The following CPPED1 variants were observed in gnomAD, a reference collection of about 807,000 sequenced individuals.
The protein encoded by CPPED1 is calcineurin like phosphoesterase domain containing 1.
In CPPED1, 28 loss-of-function variants were observed where a neutral mutation model predicts 28.0. The ratio of observed to expected loss-of-function variants is 1.00; its 90% CI spans 0.74 to 1.37. The LOEUF (loss-of-function observed/expected upper bound fraction) is 1.37, where lower values mean the gene tolerates loss of function less well. Ranked by LOEUF, CPPED1 falls within the 40% of genes most tolerant of loss-of-function variation. The pLI, the probability that CPPED1 is intolerant of heterozygous loss-of-function variation, is 0.00. For missense variants in CPPED1, 504 were observed against 416.5 expected (o/e 1.21, Z -1.83); for synonymous variants, 198 against 180.2 (o/e 1.10, Z -0.79).
intron 2 of CPPED1, among the ~76,000 whole-genome samples, chr16:12,743,329 C>CAA (rs547014538): frequency 7.0e-4 from 106 of 152,288 alleles, no homozygotes; most frequent in African/African-American, 2.5e-3. Flanking sequence ...CCCCACCACA[C>CAA]AAAAGCCAAT....
intron 1 of CPPED1, among the ~76,000 whole-genome samples, chr16:12,786,844 G>A (rs146565905): frequency 3.9e-4 from 60 of 152,304 alleles, no homozygotes; most frequent in African/African-American, 1.2e-3. Flanking sequence ...ACTGGGAGGT[G>A]GAGGTTGCAG....
At chr16:12,785,076 T>C (rs2080554677) in intron 1 of CPPED1, among the ~76,000 whole-genome samples, 1 of 152,234 alleles carries the variant, frequency 6.6e-6, no homozygotes, top group Non-Finnish European at 1.5e-5. Context: ...CTCTTAAGGT[T>C]CCTGCTACAG....
intron 2 of CPPED1, chr16:12,720,382 T>C (rs1228101825): frequency 1.3e-5 from 2 of 154,426 alleles, no homozygotes; most frequent in East Asian, 3.8e-4. Flanking sequence ...AAGCTTTTCC[T>C]AAAGAGGTGT....
At chr16:12,687,967 A>G (rs1246611755) in intron 3 of CPPED1, among the ~76,000 whole-genome samples, 1 of 147,496 alleles carries the variant, frequency 6.8e-6, no homozygotes, top group Admixed American at 6.7e-5. Context: ...AAGGAAGAAG[A>G]AGGAGGAATG....
Position 12,755,281 on chromosome 16 carries a change from C to CTTTTT in CPPED1, c.289+25899_289+25903dup, listed in dbSNP as rs35135598. ...TTCTCACAAGCATACAGTATGCATT[C>CTTTTT]TTTTTTTTTTTTTTTTTTGAGACAA... On this transcript the variant is annotated intron_variant, in intron 2 of 3. Transcript: ENST00000381774. Among the ~76,000 whole-genome samples, 290 of 128,766 alleles carry CTTTTT rather than the reference C, an allele frequency of 2.3e-3. 7 individuals are homozygous for CTTTTT. Among genetic ancestry groups the CTTTTT allele is most frequent in the African/African-American group, 7.3e-3 (247 of 33,888 alleles). The allele number at this position is 128,766 out of a possible 152,430, so 84.5% of individuals were successfully genotyped here. A position where few individuals can be genotyped will look rare whatever the true frequency, so the allele number is the denominator to read the frequency against.
chr16:12,715,028 C>A (rs2080100142), intron 2 of CPPED1, among the ~76,000 whole-genome samples: 1 of 151,954 alleles, frequency 6.6e-6, no homozygotes, highest in African/African-American at 2.4e-5. Context: ...ATCCAGATGT[C>A]CCTGCACCAT....
At chr16:12,784,477 C>T (rs1242314534) in intron 1 of CPPED1, among the ~76,000 whole-genome samples, 1 of 151,866 alleles carries the variant, frequency 6.6e-6, no homozygotes, top group East Asian at 1.9e-4. Flanking sequence ...AGTAACAGAT[C>T]CCTACAAATG....
intron 3 of CPPED1, among the ~76,000 whole-genome samples, chr16:12,674,188 A>T (rs534697181): frequency 1.3e-5 from 2 of 152,290 alleles, no homozygotes; most frequent in East Asian, 3.9e-4. Flanking sequence ...TCCTGCATGA[A>T]AAAAATGAAG....
intron 3 of CPPED1, among the ~76,000 whole-genome samples, chr16:12,671,669 C>T (rs2079853375): frequency 6.6e-6 from 1 of 152,180 alleles, no homozygotes; most frequent in African/African-American, 2.4e-5. Context: ...AGCACATGGA[C>T]ATTTTGGTCA....
rs554476040 is a variant in CPPED1 at position 12,754,493 on chromosome 16, A to C, written c.289+26692T>G. Among the ~76,000 whole-genome samples, 4 of 152,306 alleles carry C rather than the reference A, an allele frequency of 2.6e-5. No homozygotes were observed. In the East Asian group the frequency reaches 7.7e-4, roughly 29 times the overall value. On this transcript the variant is annotated intron_variant, in intron 2 of 3. Coordinates refer to ENST00000381774, the MANE Select transcript of CPPED1 (RefSeq NM_018340.3). ...TCTAAACCTGATGTCTACAAATCTG[A>C]TTAAACAAATTAAAGGGGCATGTGC...
At chr16:12,795,045 G>A (rs1429481126) in intron 1 of CPPED1, among the ~76,000 whole-genome samples, 2 of 152,210 alleles carry the variant, frequency 1.3e-5, no homozygotes, top group Admixed American at 6.5e-5. Context: ...CTCCACTTGG[G>A]GTTTGCCTGG....
intron 3 of CPPED1, among the ~76,000 whole-genome samples, chr16:12,687,470 C>T (rs2079939442): frequency 6.6e-6 from 1 of 152,086 alleles, no homozygotes; most frequent in Non-Finnish European, 1.5e-5. Flanking sequence ...TGTCAGTGAC[C>T]TCAACAAGAT....
At position 12,670,110 on chromosome 16, in the gene CPPED1, AAC is replaced by A. The variant is rs1230882146; in HGVS notation, c.716-4997_716-4996del. On this transcript the variant is annotated intron_variant, in intron 3 of 3. Coordinates refer to ENST00000381774, the MANE Select transcript of CPPED1 (RefSeq NM_018340.3). The surrounding 1 kb of genome is among the most constrained non-coding windows in gnomAD (Gnocchi z 4.2). The stretch of plus-strand genomic sequence containing the variant: ...GGCCAGGAGTTCGACCAGCCTGGGC[AAC>A]ACAGTGAGATCCCGTCTCTACAAAA... Among the ~76,000 whole-genome samples the A allele has an allele frequency of 6.6e-6, 1 of 152,164 alleles. No homozygotes were observed. The highest frequency in any genetic ancestry group is 1.5e-5 in the Non-Finnish European group (1 of 68,030).
intron 2 of CPPED1, among the ~76,000 whole-genome samples, chr16:12,711,137 G>A (rs1032161166): frequency 3.9e-5 from 6 of 152,172 alleles, no homozygotes; most frequent in Non-Finnish European, 5.9e-5. Context: ...TCCATACAAC[G>A]AAATATTATT....
chr16:12,715,502 G>T (rs1448426898), intron 2 of CPPED1, among the ~76,000 whole-genome samples: 1 of 151,928 alleles, frequency 6.6e-6, no homozygotes, highest in Non-Finnish European at 1.5e-5. Context: ...TCTACTAAAA[G>T]TACAAAAATT....
intron 2 of CPPED1, among the ~76,000 whole-genome samples, chr16:12,738,165 T>G (rs1234320538): frequency 6.6e-6 from 1 of 152,222 alleles, no homozygotes; most frequent in East Asian, 1.9e-4. Flanking sequence ...TGTTGTGTTC[T>G]TAATGAAAGG....
intron 2 of CPPED1, among the ~76,000 whole-genome samples, chr16:12,733,710 A>G (rs897753046): frequency 2.0e-5 from 3 of 152,202 alleles, no homozygotes; most frequent in African/African-American, 7.2e-5. Flanking sequence ...ATCTAGAAAC[A>G]TCAACACAAG....
At chr16:12,802,631 T>G (rs1448036970) in intron 1 of CPPED1, among the ~76,000 whole-genome samples, 1 of 152,110 alleles carries the variant, frequency 6.6e-6, no homozygotes, top group Non-Finnish European at 1.5e-5. Context: ...ACCATAGAAT[T>G]ACCGGAGAAA....
chr16:12,735,714 T>C (rs2080223474), intron 2 of CPPED1, among the ~76,000 whole-genome samples: 1 of 152,240 alleles, frequency 6.6e-6, no homozygotes, highest in South Asian at 2.1e-4. Flanking sequence ...CTTAGAACAA[T>C]GCCTGGAACA....
Sources: gnomAD v4.1 joint callset for allele counts (sites outside exome capture counted in the v4.1 genomes callset) on GRCh38, gnomAD v4.1.1 for gene constraint, Gnocchi (gnomAD v3.1) non-coding constraint, MANE v1.5 for transcripts, NCBI Gene and HGNC (gene_info 2026-07-23, HGNC 2026-07-21) for gene names.